The following NECTIN1 variants were observed in gnomAD, a reference collection of about 807,000 sequenced individuals.
NECTIN1 encodes the protein nectin cell adhesion molecule 1, also known as nectin-1.
NECTIN1 carries 23 observed loss-of-function variants against 48.0 expected under a neutral mutation model. The ratio of observed to expected loss-of-function variants is 0.48; its 90% CI spans 0.34 to 0.68. The LOEUF is 0.68. NECTIN1 is among the 30% of genes least tolerant of loss of function. The pLI is 0.01. For missense variants in NECTIN1, 591 were observed against 709.9 expected (o/e 0.83, Z 1.90); for synonymous variants, 270 against 288.9 (o/e 0.93, Z 0.66).
intron 1 of NECTIN1, among the ~76,000 whole-genome samples, chr11:119,728,168 G>A (rs952349990): frequency 5.9e-5 from 9 of 152,224 alleles, no homozygotes; most frequent in African/African-American, 2.2e-4. Context: ...ACTGCTTCCC[G>A]AGCAGAGAGC....
At chr11:119,669,850 C>G (rs1432373906) in intron 5 of NECTIN1, among the ~76,000 whole-genome samples, 1 of 152,192 alleles carries the variant, frequency 6.6e-6, no homozygotes, top group Non-Finnish European at 1.5e-5. Flanking sequence ...CCTTCCCCAA[C>G]TACCCTATTT....
intron 1 of NECTIN1, among the ~76,000 whole-genome samples, chr11:119,723,532 C>G (rs757431774): frequency 4.6e-5 from 7 of 152,216 alleles, no homozygotes; most frequent in Non-Finnish European, 8.8e-5. Context: ...CCCCAGCCCC[C>G]ACCCAGGGCA....
intron 5 of NECTIN1, among the ~76,000 whole-genome samples, 175 bp downstream of exon 5, chr11:119,674,984 C>T (rs1048989604): frequency 2.6e-5 from 4 of 152,176 alleles, no homozygotes; most frequent in African/African-American, 9.7e-5. Flanking sequence ...CATTTGCACC[C>T]TTTAATGAAA....
chr11:119,717,721 G>A (rs1865768142), intron 1 of NECTIN1, among the ~76,000 whole-genome samples: 1 of 152,240 alleles, frequency 6.6e-6, no homozygotes, highest in Admixed American at 6.5e-5. Flanking sequence ...AGAGGGCAGA[G>A]GAGAGGGACA....
chr11:119,652,268 C>A (rs1296464985), intron 5 of NECTIN1, among the ~76,000 whole-genome samples: 2 of 152,194 alleles, frequency 1.3e-5, no homozygotes, highest in African/African-American at 2.4e-5. Flanking sequence ...GGCCTCATGC[C>A]AATCACTCTG....
intron 1 of NECTIN1, among the ~76,000 whole-genome samples, chr11:119,719,831 A>T (rs186687853): frequency 6.6e-6 from 1 of 152,256 alleles, no homozygotes; most frequent in Non-Finnish European, 1.5e-5. Flanking sequence ...GGTGGCATGG[A>T]TGAGGCGCTG....
Position 119,638,920 on chromosome 11 carries a change from G to C in NECTIN1, c.1152-114C>G, listed in dbSNP as rs931778996. Reference sequence around the variant, plus strand: ...CCCACTCACAAGAGCAGGCCCGGGAGCTCTGCTTCCCAGGCAGCCTCCTGA... The same window carrying C: ...CCCACTCACAAGAGCAGGCCCGGGACCTCTGCTTCCCAGGCAGCCTCCTGA... On this transcript the variant is annotated intron_variant, in intron 6 of 7. Transcript: ENST00000341398. 4.4e-6 allele frequency: 4 copies of C among 906,860 alleles called. No homozygotes were observed. The Admixed American group carries it at 7.9e-5, about 18-fold the overall frequency. The allele number at this position is 906,860 out of a possible 1,614,324, so 56.2% of individuals were successfully genotyped here.
Position 119,677,168 on chromosome 11 carries a change from C to T in NECTIN1, c.785G>A (p.Arg262Gln), listed in dbSNP as rs758246210. 70 of 1,613,974 alleles carry T rather than the reference C, an allele frequency of 4.3e-5. No individual in the cohort carries two copies. The highest frequency in any genetic ancestry group is 8.0e-5 in the African/African-American group (6 of 74,874). ...EGFDGNWYLQ[R>Q]MDVKLTCKAD... ...TTTGCAGGTGAGCTTCACGTCCATC[C>T]GCTGCAGGTACCAGTTGCCATCAAA... The change falls in exon 4 of 6, where the codon CGG (arginine) becomes CAG (glutamine). Residue 262 changes from arginine to glutamine, a missense_variant. Arg to Gln is a conservative substitution (Grantham distance 43). Transcript: ENST00000264025. The surrounding 1 kb of genome is among the most constrained non-coding windows in gnomAD (Gnocchi z 5.4).
At chr11:119,722,021 C>G (rs758820815) in intron 1 of NECTIN1, among the ~76,000 whole-genome samples, 6 of 152,228 alleles carry the variant, frequency 3.9e-5, no homozygotes, top group Non-Finnish European at 8.8e-5. Flanking sequence ...CCCATGGACA[C>G]TTTCTAACAT....
chr11:119,674,460 A>C, intron 5 of NECTIN1: 1 of 1,601,600 alleles, frequency 6.2e-7, no homozygotes, highest in Non-Finnish European at 8.5e-7. Context: ...CATCACGTAG[A>C]ATTCTGACAA....
intron 5 of NECTIN1, among the ~76,000 whole-genome samples, chr11:119,655,020 C>T (rs903551359): frequency 1.3e-5 from 2 of 152,144 alleles, no homozygotes; most frequent in Admixed American, 6.5e-5. Context: ...AGCGATTCTC[C>T]GGCCTCAGCC....
chr11:119,695,662 C>T (rs1408181931), intron 1 of NECTIN1, among the ~76,000 whole-genome samples: 4 of 151,762 alleles, frequency 2.6e-5, no homozygotes, highest in Non-Finnish European at 5.9e-5. Context: ...GCTGAGTGAT[C>T]AAAGAAGGAC....
rs557207204 is a variant in NECTIN1, at chr11:119,643,474, T to C, written c.1004-3462A>G. The stretch of plus-strand genomic sequence containing the variant: ...GGCTGAGGGCACTGGGATCTGCGCC[T>C]GTGTGCTGTTCTCCCTGCCTCAGGC... On this transcript the variant is annotated intron_variant, in intron 5 of 7. Coordinates refer to the NECTIN1 transcript ENST00000341398. 7.2e-5 allele frequency among the ~76,000 whole-genome samples: 11 copies of C among 152,360 alleles called. 1 individual carries two copies. Among genetic ancestry groups the C allele is most frequent in the African/African-American group, 2.4e-4 (10 of 41,592 alleles).
chr11:119,655,855 T>G (rs1345018439), intron 5 of NECTIN1, among the ~76,000 whole-genome samples: 2 of 152,174 alleles, frequency 1.3e-5, no homozygotes, highest in African/African-American at 2.4e-5. Context: ...AACCCCTGTC[T>G]TGGGGAAGGT....
intron 1 of NECTIN1, among the ~76,000 whole-genome samples, chr11:119,687,940 G>A (rs948038959): frequency 6.6e-6 from 1 of 152,160 alleles, no homozygotes; most frequent in Non-Finnish European, 1.5e-5. Flanking sequence ...CTACCTGCAG[G>A]GAACACTCAT....
Position 119,662,677 on chromosome 11 carries a change from G to A in NECTIN1, c.*2070C>T. The A allele has an allele frequency of 3.0e-6, 3 of 985,710 alleles. No homozygotes were observed. Among genetic ancestry groups the A allele is most frequent in the Non-Finnish European group, 3.6e-6 (3 of 829,972 alleles). 61.1% of individuals were successfully genotyped at this position (985,710 alleles called of 1,614,324 possible). A position where few individuals can be genotyped will look rare whatever the true frequency, so the allele number is the denominator to read the frequency against. On this transcript the variant is annotated 3_prime_UTR_variant, in exon 6 of 6. Transcript: ENST00000264025. The surrounding 1 kb of genome is among the most constrained non-coding windows in gnomAD (Gnocchi z 5.3). ...GACCAAGCAGAGGGGCCAGAGTGTT[G>A]TAAGGTGGGATGGGGCAGTGATGTA...
At chr11:119,643,433 C>T (rs1027301279) in intron 5 of NECTIN1, among the ~76,000 whole-genome samples, 2 of 152,240 alleles carry the variant, frequency 1.3e-5, no homozygotes, top group Non-Finnish European at 1.5e-5. Context: ...CGTTCAGGAT[C>T]GTCCAGATAG....
chr11:119,654,828 G>A (rs571270275), intron 5 of NECTIN1, among the ~76,000 whole-genome samples: 38 of 151,830 alleles, frequency 2.5e-4, no homozygotes, highest in African/African-American at 8.7e-4. Flanking sequence ...CTTGGCCTCC[G>A]AAAGTGCTGG....
Position 119,677,833 on chromosome 11 carries a change from C to T in NECTIN1, c.455G>A (p.Gly152Asp), listed in dbSNP as rs1442295865. The change falls in exon 3 of 6, where the codon GGT becomes GAT. Residue 152 changes from glycine (G) to aspartate (D), a missense_variant. Transcript: ENST00000264025. This position sits in a 1 kb window ranked among gnomAD's most constrained non-coding sequence, Gnocchi z 5.4. Reference sequence around the variant, plus strand: ...CTTGGCTCGAAGCACTGCCTGGGTACCCTCTATCCAATTGGTGGGTTTGGC... The same window carrying T: ...CTTGGCTCGAAGCACTGCCTGGGTATCCTCTATCCAATTGGTGGGTTTGGC... ...VMAKPTNWIE[G>D]TQAVLRAKKG... 1 of 1,614,024 alleles carries T rather than the reference C, an allele frequency of 6.2e-7. No homozygotes were observed.
Sources: allele counts gnomAD v4.1 joint callset (sites outside exome capture counted in the v4.1 genomes callset), GRCh38; gene constraint gnomAD v4.1.1; non-coding constraint Gnocchi (gnomAD v3.1); transcripts MANE v1.5; gene names NCBI Gene and HGNC (gene_info 2026-07-23, HGNC 2026-07-21).